Variants in SLC16A7 observed in about 807,000 individuals in gnomAD.
The protein encoded by SLC16A7 is monocarboxylate transporter 2.
Under a neutral mutation model 34.9 loss-of-function variants are expected in SLC16A7, and 33 were observed. The ratio of observed to expected loss-of-function variants is 0.94; its 90% CI spans 0.72 to 1.26. The LOEUF (loss-of-function observed/expected upper bound fraction) is 1.26. SLC16A7 is among the 50% of genes most tolerant of loss of function. The pLI, the probability that SLC16A7 is intolerant of heterozygous loss-of-function variation, is 0.00. For missense variants in SLC16A7, 573 were observed against 578.1 expected (o/e 0.99, Z 0.09); for synonymous variants, 201 against 206.6 (o/e 0.97, Z 0.23).
chr12:59,671,520 A>C (rs1260458383), intron 2 of SLC16A7, among the ~76,000 whole-genome samples: 3 of 151,948 alleles, frequency 2.0e-5, no homozygotes, highest in Non-Finnish European at 1.5e-5. Context: ...TTTCCCAAGC[A>C]GTTTTTGAAG....
At chr12:59,638,009 C>G (rs771201919) in intron 1 of SLC16A7, among the ~76,000 whole-genome samples, 20 of 152,092 alleles carry the variant, frequency 1.3e-4, no homozygotes, top group Non-Finnish European at 2.9e-5. Context: ...AACTGTGAGC[C>G]AGATAAACTT....
chr12:59,644,442 C>T (rs1880822523), intron 1 of SLC16A7, among the ~76,000 whole-genome samples: 1 of 152,158 alleles, frequency 6.6e-6, no homozygotes, highest in Non-Finnish European at 1.5e-5. Flanking sequence ...TGGCGCATGC[C>T]TGTAATCCCA....
At chr12:59,719,486 C>A (rs776958355) in intron 3 of SLC16A7, among the ~76,000 whole-genome samples, 1 of 151,090 alleles carries the variant, frequency 6.6e-6, no homozygotes, top group Non-Finnish European at 1.5e-5. Flanking sequence ...ATGTGTGATC[C>A]CAAAAAAATG....
intron 2 of SLC16A7, among the ~76,000 whole-genome samples, chr12:59,655,865 G>A (rs1202476317): frequency 2.0e-5 from 3 of 151,918 alleles, no homozygotes; most frequent in Non-Finnish European, 2.9e-5. Context: ...TCAGCATTGT[G>A]TCTTGCTGAA....
chr12:59,720,846 A>G (rs1336736352), intron 3 of SLC16A7, among the ~76,000 whole-genome samples: 1 of 152,046 alleles, frequency 6.6e-6, no homozygotes, highest in Non-Finnish European at 1.5e-5. Context: ...TACCTCATCC[A>G]TCACTGCTTT....
intron 2 of SLC16A7, among the ~76,000 whole-genome samples, chr12:59,670,190 C>T (rs897570714): frequency 6.6e-6 from 1 of 152,178 alleles, no homozygotes; most frequent in Admixed American, 6.5e-5. Flanking sequence ...CTTCAAATGA[C>T]ATTTTCCCTG....
chr12:59,775,484 G>T lies in SLC16A7; in HGVS notation c.1180+9G>T. 1.9e-6 allele frequency: 3 copies of T among 1,599,704 alleles called. No homozygotes were observed. The highest frequency in any genetic ancestry group is 1.7e-6 in the Non-Finnish European group (2 of 1,168,906). On this transcript the variant is annotated intron_variant, in intron 5 of 5. Transcript: ENST00000547379. ...TGGCCCTCCTCTTGCAGGTAAGAAC[G>T]TTTTTCATCAAGGAAAATGTAAAGC...
intron 3 of SLC16A7, among the ~76,000 whole-genome samples, chr12:59,752,954 C>T (rs1161627268): frequency 6.6e-6 from 1 of 152,176 alleles, no homozygotes; most frequent in Non-Finnish European, 1.5e-5. Context: ...CAATATTCAA[C>T]ATTCTTAAAG....
chr12:59,627,369 T>G (rs1212611259), intron 1 of SLC16A7, among the ~76,000 whole-genome samples: 1 of 151,946 alleles, frequency 6.6e-6, no homozygotes, highest in African/African-American at 2.4e-5. Context: ...GTATAAAGTA[T>G]ACATCAATTT....
intron 3 of SLC16A7, among the ~76,000 whole-genome samples, chr12:59,734,881 T>TC (rs370953886): frequency 9.2e-5 from 14 of 152,356 alleles, no homozygotes; most frequent in African/African-American, 2.9e-4. Flanking sequence ...CTTTAAAATC[T>TC]CATCCATTGC....
Position 59,671,702 on chromosome 12 carries a change from GTA to G in SLC16A7, c.-31+16462_-31+16463del, listed in dbSNP as rs1242389891. 1.7e-4 allele frequency among the ~76,000 whole-genome samples: 25 copies of G among 145,228 alleles called. No homozygotes were observed. In the East Asian group the frequency reaches 1.8e-3, roughly 10 times the overall value. The stretch of plus-strand genomic sequence containing the variant: ...TCTATATATATATATGTGTGTGTGT[GTA>G]TATATATATGTGTATATATATGTGT... On this transcript the variant is annotated intron_variant, in intron 2 of 5. Transcript: ENST00000547379.
intron 3 of SLC16A7, among the ~76,000 whole-genome samples, chr12:59,757,764 C>T (rs570685928): frequency 6.6e-6 from 1 of 152,086 alleles, no homozygotes; most frequent in East Asian, 1.9e-4. Flanking sequence ...GCCTACTTAA[C>T]GTGAAGATAA....
intron 3 of SLC16A7, among the ~76,000 whole-genome samples, chr12:59,732,412 C>T (rs1330566580): frequency 6.6e-6 from 1 of 152,132 alleles, no homozygotes; most frequent in African/African-American, 2.4e-5. Flanking sequence ...AAGAGCAAAA[C>T]TCCGTCTCAA....
At chr12:59,713,514 A>G (rs1438558597) in intron 3 of SLC16A7, among the ~76,000 whole-genome samples, 1 of 152,252 alleles carries the variant, frequency 6.6e-6, no homozygotes, top group Non-Finnish European at 1.5e-5. Flanking sequence ...CAAAATGCAA[A>G]GTAAATACAC....
chr12:59,711,960 T>A (rs999011862), intron 3 of SLC16A7, among the ~76,000 whole-genome samples: 1 of 152,214 alleles, frequency 6.6e-6, no homozygotes, highest in Non-Finnish European at 1.5e-5. Context: ...TAATAGCAGA[T>A]ATGAAATTGA....
At chr12:59,774,602 T>C in intron 4 of SLC16A7, 55 bp from the exon 5 acceptor site, 1 of 1,116,536 alleles carries the variant, frequency 9.0e-7, no homozygotes, top group Non-Finnish European at 1.3e-6. Flanking sequence ...TAATTTCTTT[T>C]GTGAGTGCCA....
At chr12:59,673,245 T>C (rs573324087) in intron 2 of SLC16A7, among the ~76,000 whole-genome samples, 1 of 152,294 alleles carries the variant, frequency 6.6e-6, no homozygotes, top group Admixed American at 6.5e-5. Context: ...TATCTGAGTG[T>C]AGAACATTTG....
At chr12:59,761,291 A>C in intron 3 of SLC16A7, 1 of 501,060 alleles carries the variant, frequency 2.0e-6, no homozygotes, top group Non-Finnish European at 3.3e-6. Context: ...ATATTCTCTT[A>C]AAGTCTGATG....
At chr12:59,712,181 T>C (rs540889169) in intron 3 of SLC16A7, among the ~76,000 whole-genome samples, 2 of 152,342 alleles carry the variant, frequency 1.3e-5, no homozygotes, top group South Asian at 4.1e-4. Flanking sequence ...TCACTGCAGT[T>C]GTTGCTGCTG....
Sources: allele counts gnomAD v4.1 joint callset (sites outside exome capture counted in the v4.1 genomes callset), GRCh38; gene constraint gnomAD v4.1.1; transcripts MANE v1.5; gene names NCBI Gene and HGNC (gene_info 2026-07-23, HGNC 2026-07-21).